The following CNTN3 variants were observed in gnomAD, a reference collection of about 807,000 sequenced individuals.
CNTN3 encodes contactin-3.
A neutral mutation model predicts 119.1 loss-of-function variants in CNTN3; 60 were observed. That is an observed-to-expected ratio of 0.50 (90% CI 0.41 to 0.62). The LOEUF is 0.62. Among genes scored for constraint, CNTN3 ranks in the 20% least tolerant of loss-of-function variants. CNTN3 has a pLI of 0.00. For missense variants in CNTN3, 1,101 were observed against 1,242.4 expected, an observed-to-expected ratio of 0.89 and a Z score of 1.71; for synonymous variants, 450 against 438.7, an observed-to-expected ratio of 1.03 and a Z score of -0.32.
At position 74,613,951 on chromosome 3, in the gene CNTN3, C is replaced by A. The variant is rs564486541; in HGVS notation, c.-81+440G>T. ...ATCGCTAATGAAAGAATCGGCCACC[C>A]TAGCTTTCTCAGACCTGGGAATCTG... On this transcript the variant is annotated intron_variant, in intron 1 of 22. Coordinates refer to ENST00000263665, the MANE Select transcript of CNTN3 (RefSeq NM_020872.3). 2.0e-5 allele frequency among the ~76,000 whole-genome samples: 3 copies of A among 152,290 alleles called. No individual in the cohort carries two copies. In the East Asian group the frequency reaches 5.8e-4, roughly 29 times the overall value.
chr3:74,391,557 C>CTTTTTTTTTTTTTTTTTTTTTTTT lies in CNTN3; in HGVS notation c.455-20182_455-20159dup, dbSNP rs554976641. On this transcript the variant is annotated intron_variant, in intron 5 of 22. Transcript: ENST00000263665. ...TTAGTATTTTGTACTCCCATAGTTTCTTTTTTTTTTTTTTTTTTTTTTTTG... is the reference window on the plus strand; with the variant it reads ...TTAGTATTTTGTACTCCCATAGTTTCTTTTTTTTTTTTTTTTTTTTTTTTTTTTTTTTTTTTTTTTTTTTTTTTG... 1.7e-4 allele frequency among the ~76,000 whole-genome samples: 15 copies of CTTTTTTTTTTTTTTTTTTTTTTTT among 87,028 alleles called. 1 individual carries two copies. The highest frequency in any genetic ancestry group is 6.1e-4 in the African/African-American group (13 of 21,412). The allele number at this position is 87,028 out of a possible 152,430, so 57.1% of individuals were successfully genotyped here. A position where few individuals can be genotyped will look rare whatever the true frequency, so the allele number is the denominator to read the frequency against.
At chr3:74,485,322 T>G (rs10428205) in intron 4 of CNTN3, among the ~76,000 whole-genome samples, 20,821 of 152,072 alleles carry the variant, frequency 0.14, 1,446 homozygotes, top group Non-Finnish European at 0.14. Context: ...GTACTTTAGT[T>G]AACTTAAGGG....
chr3:74,417,783 C>T (rs1701548540), intron 5 of CNTN3, among the ~76,000 whole-genome samples: 1 of 152,152 alleles, frequency 6.6e-6, no homozygotes, highest in African/African-American at 2.4e-5. Context: ...TGATTCAGAA[C>T]ATACTTGTCT....
intron 5 of CNTN3, among the ~76,000 whole-genome samples, chr3:74,401,389 A>C (rs1361588979): frequency 6.6e-6 from 1 of 152,172 alleles, no homozygotes; most frequent in Non-Finnish European, 1.5e-5. Context: ...TTATTTATAG[A>C]AAATGTTTGA....
At chr3:74,583,053 G>A (rs1279355724) in intron 1 of CNTN3, among the ~76,000 whole-genome samples, 1 of 152,106 alleles carries the variant, frequency 6.6e-6, no homozygotes, top group Non-Finnish European at 1.5e-5. Flanking sequence ...GCAGAAGGCA[G>A]GGCTAGAAAA....
intron 19 of CNTN3, among the ~76,000 whole-genome samples, chr3:74,285,840 A>AT (rs1702106652): frequency 4.3e-5 from 4 of 94,014 alleles, no homozygotes; most frequent in South Asian, 3.8e-4. Context: ...TATATATATA[A>AT]AATTAAAAAT....
chr3:74,322,538 C>G (rs1443586897), intron 13 of CNTN3, among the ~76,000 whole-genome samples: 7 of 152,190 alleles, frequency 4.6e-5, no homozygotes, highest in Admixed American at 4.6e-4. Flanking sequence ...TCATTTATCA[C>G]TGGTGGGGAT....
chr3:74,342,491 T>C (rs1466445128), intron 11 of CNTN3, among the ~76,000 whole-genome samples: 1 of 152,122 alleles, frequency 6.6e-6, no homozygotes, highest in Non-Finnish European at 1.5e-5. Context: ...ACCAGGCTAA[T>C]AACAAGCAGC....
chr3:74,343,267 T>C (rs140384915), intron 11 of CNTN3, among the ~76,000 whole-genome samples: 1 of 152,308 alleles, frequency 6.6e-6, no homozygotes, highest in African/African-American at 2.4e-5. Context: ...AGCCCCATTA[T>C]TGCGTGGTAA....
At chr3:74,318,051 T>G (rs1702879618) in intron 13 of CNTN3, among the ~76,000 whole-genome samples, 1 of 152,204 alleles carries the variant, frequency 6.6e-6, no homozygotes, top group African/African-American at 2.4e-5. Flanking sequence ...CTATTCTTTT[T>G]TCTCTAAACT....
At chr3:74,343,664 G>C (rs1703603087) in intron 11 of CNTN3, among the ~76,000 whole-genome samples, 1 of 152,242 alleles carries the variant, frequency 6.6e-6, no homozygotes, top group Non-Finnish European at 1.5e-5. Flanking sequence ...AGTCTTGGTA[G>C]GGCTATGAAT....
At chr3:74,602,971 G>C (rs1704935688) in intron 1 of CNTN3, among the ~76,000 whole-genome samples, 1 of 152,090 alleles carries the variant, frequency 6.6e-6, no homozygotes, top group Non-Finnish European at 1.5e-5. Flanking sequence ...TTATTGAGGA[G>C]TGCTCTTGAA....
At chr3:74,523,299 A>C (rs535468760) in intron 1 of CNTN3, among the ~76,000 whole-genome samples, 1 of 152,004 alleles carries the variant, frequency 6.6e-6, no homozygotes, top group Middle Eastern at 3.4e-3. Context: ...ATACACATAT[A>C]GATAGATAGA....
At position 74,365,616 on chromosome 3, in the gene CNTN3, G is replaced by A; in HGVS notation, c.1033C>T (p.Pro345Ser). The change falls in exon 9 of 23, where the codon CCC becomes TCC. Residue 345 changes from proline to serine, a missense_variant. Transcript: ENST00000263665. Reference protein sequence around the residue: ...LYWECRASGKPKPSYRWLKNG... With the variant: ...LYWECRASGKSKPSYRWLKNG... ...TTCAGCCATCGGTAGGAAGGCTTGG[G>A]CTTGCCGCTTGCCCTGCATTCCCAA... The A allele has an allele frequency of 6.2e-7, 1 of 1,613,510 alleles. No homozygotes were observed. Among genetic ancestry groups the A allele is most frequent in the Non-Finnish European group, 8.5e-7 (1 of 1,179,594 alleles).
intron 17 of CNTN3, among the ~76,000 whole-genome samples, chr3:74,299,555 G>A (rs898522060): frequency 6.6e-6 from 1 of 152,140 alleles, no homozygotes; most frequent in African/African-American, 2.4e-5. Context: ...TTATATCTGA[G>A]CCTGAGTATT....
At chr3:74,313,018 T>C (rs1293358427) in intron 13 of CNTN3, among the ~76,000 whole-genome samples, 1 of 148,828 alleles carries the variant, frequency 6.7e-6, no homozygotes, top group Non-Finnish European at 1.5e-5. Flanking sequence ...GGTTAGAGAT[T>C]GAAAACACTT....
intron 1 of CNTN3, among the ~76,000 whole-genome samples, chr3:74,592,161 T>C (rs973547486): frequency 6.6e-6 from 1 of 151,820 alleles, no homozygotes; most frequent in Non-Finnish European, 1.5e-5. Context: ...GGACCAGGAC[T>C]CAACCACAGA....
chr3:74,272,745 T>C (rs1393293894), intron 20 of CNTN3, among the ~76,000 whole-genome samples: 4 of 152,156 alleles, frequency 2.6e-5, no homozygotes, highest in Admixed American at 6.5e-5. Flanking sequence ...CCAGTAGGTC[T>C]TTAATATCCC....
intron 1 of CNTN3, among the ~76,000 whole-genome samples, chr3:74,593,993 G>A (rs1575854279): frequency 6.6e-6 from 1 of 152,006 alleles, no homozygotes; most frequent in East Asian, 1.9e-4. Flanking sequence ...GCCACAGAGG[G>A]GATTGAAGAT....
Sources: allele counts gnomAD v4.1 joint callset (sites outside exome capture counted in the v4.1 genomes callset), GRCh38; gene constraint gnomAD v4.1.1; transcripts MANE v1.5; gene names NCBI Gene and HGNC (gene_info 2026-07-23, HGNC 2026-07-21).